The following CCDC88B variants were observed in gnomAD, a reference collection of about 807,000 sequenced individuals.
The protein encoded by CCDC88B is coiled-coil and HOOK domain protein 88B, also known as coiled-coil domain-containing protein 88B.
In CCDC88B, 138 loss-of-function variants were observed where a neutral mutation model predicts 183.7. That is an observed-to-expected ratio of 0.75 (90% CI 0.65 to 0.87). CCDC88B has a LOEUF of 0.87. CCDC88B is among the 40% of genes least tolerant of loss of function. The probability of loss-of-function intolerance (pLI) is 0.00; values close to 1 mark genes in which losing one functional copy is unlikely to be tolerated. For missense variants in CCDC88B, 1,822 were observed against 1,965.6 expected (o/e 0.93, Z 1.38); for synonymous variants, 835 against 867.5 (o/e 0.96, Z 0.66).
At chr11:64,345,354 G>A (rs1230319107) in intron 14 of CCDC88B, among the ~76,000 whole-genome samples, 197 bp downstream of exon 14, 1 of 152,176 alleles carries the variant, frequency 6.6e-6, no homozygotes, top group Non-Finnish European at 1.5e-5. Context: ...TGTGATGGGG[G>A]CGCTGTGGGA....
At chr11:64,354,340 G>A (rs890600591) in intron 24 of CCDC88B, among the ~76,000 whole-genome samples, 170 bp downstream of exon 24, 7 of 151,972 alleles carry the variant, frequency 4.6e-5, no homozygotes, top group African/African-American at 1.5e-4. Flanking sequence ...GGTCCTACAG[G>A]GTCACCCTTG....
intron 7 of CCDC88B, 58 bp downstream of exon 7, chr11:64,341,800 G>A (rs770954831): frequency 1.3e-6 from 2 of 1,535,650 alleles, no homozygotes; most frequent in South Asian, 2.5e-5. Context: ...CCATCAGGGA[G>A]CCGGTTGTGC....
Position 64,341,999 on chromosome 11 carries a change from G to A in CCDC88B, c.681G>A (p.Leu227=). The change falls in exon 8 of 27, where the codon CTG becomes CTA. Residue 227 remains leucine (L), a synonymous_variant. Transcript: ENST00000356786. The part of the protein sequence containing the change: ...ARERDLGAQR[L]AELLLEREPL... Reference sequence around the variant, plus strand: ...CCTTGACCCCTGACCTACAGCGGCTGGCTGAACTGCTGCTGGAGCGAGAAC... The same window carrying A: ...CCTTGACCCCTGACCTACAGCGGCTAGCTGAACTGCTGCTGGAGCGAGAAC... 2 of 1,612,868 alleles carry A rather than the reference G, an allele frequency of 1.2e-6. No homozygotes were observed. The highest frequency in any genetic ancestry group is 8.5e-7 in the Non-Finnish European group (1 of 1,179,746).
At chr11:64,355,529 C>G in intron 25 of CCDC88B, 31 bp from the exon 26 acceptor site, 1 of 1,612,138 alleles carries the variant, frequency 6.2e-7, no homozygotes, top group Non-Finnish European at 8.5e-7. Context: ...CGCACTGGCC[C>G]TGGGCCCAGT....
rs375087093 is a variant in CCDC88B at position 64,354,013 on chromosome 11, C to T, written c.3942C>T (p.Ser1314=). 2.7e-6 allele frequency: 4 copies of T among 1,479,944 alleles called. No homozygotes were observed. The highest frequency in any genetic ancestry group is 3.6e-6 in the Non-Finnish European group (4 of 1,110,440). 91.7% of individuals were successfully genotyped at this position (1,479,944 alleles called of 1,614,324 possible). Residue 1314 remains serine (S), a synonymous_variant, in exon 24 of 27, where the codon AGC becomes AGT. Transcript: ENST00000356786. Reference sequence around the variant, plus strand: ...GCCCTCTTGCCCCCAGGAAGGGCAGCTGGCTGGCAGACAAGGTGAAGAGGC... The same window carrying T: ...GCCCTCTTGCCCCCAGGAAGGGCAGTTGGCTGGCAGACAAGGTGAAGAGGC... ...PVPLPRTKKG[S]WLADKVKRLM... is the part of the protein sequence containing the mutation.
Position 64,342,066 on chromosome 11 carries a change from G to T in CCDC88B, c.748G>T (p.Glu250Ter). 6.2e-7 allele frequency: 1 copy of T among 1,611,934 alleles called. No homozygotes were observed. Among genetic ancestry groups the T allele is most frequent in the Non-Finnish European group, 8.5e-7 (1 of 1,179,526 alleles). Residue 250 changes from glutamate (E) to a stop codon, truncating the protein, a stop_gained, in exon 8 of 27, where the codon GAG (glutamate) becomes TAG (stop). Coordinates refer to ENST00000356786, the MANE Select transcript of CCDC88B (RefSeq NM_032251.6). LOFTEE classifies it high-confidence loss of function. ...RPEAPSRAPA[E>*]GPSHHLALQL... ...TGAGGCTCCCTCTAGGGCTCCCGCC[G>T]AGGGCCCCTCGCACCATCTGGCCCT...
Position 64,357,261 on chromosome 11 carries a change from T to C in CCDC88B, c.*167T>C. On this transcript the variant is annotated 3_prime_UTR_variant, in exon 27 of 27. Transcript: ENST00000356786. Reference sequence around the variant, plus strand: ...CACGGTCAGCGCCGGGGCCCGGAGATGGAGCTGGGACGAGTGTGTGGACAG... The same window carrying C: ...CACGGTCAGCGCCGGGGCCCGGAGACGGAGCTGGGACGAGTGTGTGGACAG... 1 of 821,572 alleles carries C rather than the reference T, an allele frequency of 1.2e-6. No homozygotes were observed. The highest frequency in any genetic ancestry group is 2.1e-6 in the Non-Finnish European group (1 of 477,902). 50.9% of individuals were successfully genotyped at this position (821,572 alleles called of 1,614,324 possible).
At chr11:64,341,872 T>G in intron 7 of CCDC88B, 122 bp from the exon 8 acceptor site, 1 of 514,256 alleles carries the variant, frequency 1.9e-6, no homozygotes, top group Non-Finnish European at 2.8e-6. Context: ...GGGCCATCAG[T>G]GATGTCACAA....
At position 64,352,889 on chromosome 11, in the gene CCDC88B, T is replaced by C; in HGVS notation, c.3500+2T>C. ...GAGGCTTCAGAGCGAGCACGACAGG[T>C]GCCGCCCCTGCCACAGCCTCTAGCA... On this transcript the variant is annotated splice_donor_variant, in intron 20 of 26. Coordinates refer to ENST00000356786, the MANE Select transcript of CCDC88B (RefSeq NM_032251.6). LOFTEE classifies it high-confidence loss of function. 6.4e-7 allele frequency: 1 copy of C among 1,572,542 alleles called. No individual in the cohort carries two copies. Among genetic ancestry groups the C allele is most frequent in the Non-Finnish European group, 8.6e-7 (1 of 1,160,804 alleles).
intron 16 of CCDC88B, chr11:64,350,402 C>G: frequency 6.6e-6 from 1 of 152,498 alleles, no homozygotes; most frequent in South Asian, 2.1e-4. Context: ...GGCGTGGTGG[C>G]TCACGCCTGT....
chr11:64,342,367 C>G lies in CCDC88B; in HGVS notation c.895C>G (p.Arg299Gly), dbSNP rs1227301916. The G allele has an allele frequency of 1.3e-6, 2 of 1,583,680 alleles. No homozygotes were observed. Among genetic ancestry groups the G allele is most frequent in the East Asian group, 4.6e-5 (2 of 43,496 alleles). ...QGLEAEIRRLRQEAQALSGQA... is the reference protein window; with the variant it reads ...QGLEAEIRRLGQEAQALSGQA... ...TTTGGAGGCCGAAATAAGAAGGCTC[C>G]GCCAGGAGGTGCGCTCACATGCTCC... The change falls in exon 9 of 27, where the codon CGC becomes GGC. Residue 299 changes from arginine to glycine, a missense_variant. Transcript: ENST00000356786.
Position 64,351,244 on chromosome 11 carries a change from G to A in CCDC88B, c.2947G>A (p.Val983Met). 6.6e-7 allele frequency: 1 copy of A among 1,525,014 alleles called. No individual in the cohort carries two copies. The allele number at this position is 1,525,014 out of a possible 1,614,324, so 94.5% of individuals were successfully genotyped here. ...VETQNVRLIE[V>M]ERSNAMLVAE... ...GACCCAGAATGTGCGGCTTATTGAG[G>A]TGGAGCGCAGTGTGAGTGTGGGCCC... The change falls in exon 17 of 27, where the codon GTG becomes ATG. Residue 983 changes from valine to methionine, a missense_variant. By Grantham distance (21) the Val-to-Met change is conservative. Coordinates refer to ENST00000356786, the MANE Select transcript of CCDC88B (RefSeq NM_032251.6).
In CCDC88B at chr11:64,343,911, C is replaced by A; in HGVS notation, c.1452C>A (p.Gly484=). 6.3e-7 allele frequency: 1 copy of A among 1,597,804 alleles called. No individual in the cohort carries two copies. The highest frequency in any genetic ancestry group is 8.5e-7 in the Non-Finnish European group (1 of 1,172,072). The change falls in exon 13 of 27, where the codon GGC becomes GGA. Residue 484 remains glycine, a synonymous_variant. Coordinates refer to ENST00000356786, the MANE Select transcript of CCDC88B (RefSeq NM_032251.6). Reference sequence around the variant, plus strand: ...AGGTGCTTCAGGGGCAGCCAGGGGGCCAGGTAAGTCCCCTCCCCCAGGGTC... The same window carrying A: ...AGGTGCTTCAGGGGCAGCCAGGGGGACAGGTAAGTCCCCTCCCCCAGGGTC... ...LLQVLQGQPG[G]QHPLLEAPRE...
chr11:64,345,866 G>A (rs1189391620), intron 14 of CCDC88B, among the ~76,000 whole-genome samples: 1 of 152,150 alleles, frequency 6.6e-6, no homozygotes, highest in East Asian at 1.9e-4. Context: ...AATCAGCCAG[G>A]CGTGGTGGCA....
rs1402689436 is a variant in CCDC88B, at chr11:64,344,019, G to A, written c.1478G>A (p.Arg493Lys). ...CAGCACCCCCTGCTGGAGGCACCGA[G>A]AGAGGACCCTGTTCTTCCAGTGCTG... ...GGQHPLLEAP[R>K]EDPVLPVLEE... The change falls in exon 14 of 27, where the codon AGA (arginine) becomes AAA (lysine). Residue 493 changes from arginine (R) to lysine (K), a missense_variant. Physicochemically the swap from Arg to Lys is conservative, Grantham distance 26. Transcript: ENST00000356786. The surrounding 1 kb of genome is among the most constrained non-coding windows in gnomAD (Gnocchi z 4.5). The A allele has an allele frequency of 3.2e-6, 5 of 1,564,248 alleles. No homozygotes were observed. In the South Asian group the frequency reaches 5.8e-5, roughly 18 times the overall value.
In CCDC88B at chr11:64,357,084, T is replaced by A. The variant is rs1220118265; in HGVS notation, c.4421T>A (p.Leu1474His). Residue 1474 changes from leucine (L) to histidine (H), a missense_variant, in exon 27 of 27, where the codon CTC (leucine) becomes CAC (histidine). Physicochemically the swap from Leu to His is moderately conservative, Grantham distance 99. Coordinates refer to ENST00000356786, the MANE Select transcript of CCDC88B (RefSeq NM_032251.6). ...EPEKRPLTPS[L>H]SQ is the part of the protein sequence containing the mutation. ...GAGAAACGTCCCCTCACCCCATCCC[T>A]CAGCCAGTGACACCGTGGGAACAGC... 1.9e-6 allele frequency: 3 copies of A among 1,612,132 alleles called. No individual in the cohort carries two copies. The highest frequency in any genetic ancestry group is 2.5e-6 in the Non-Finnish European group (3 of 1,178,846).
At chr11:64,351,641 C>A in intron 18 of CCDC88B, 25 bp downstream of exon 18, 1 of 1,544,134 alleles carries the variant, frequency 6.5e-7, no homozygotes, top group Non-Finnish European at 8.7e-7. Flanking sequence ...GGGTGCCCAT[C>A]CCTGCCCATG....
At position 64,352,815 on chromosome 11, in the gene CCDC88B, G is replaced by A. The variant is rs368874751; in HGVS notation, c.3428G>A (p.Arg1143His). ...GTGGCCCTGCTGGCAGAGCGTGAAC[G>A]CCTGATGCAAGATGGGCATCGGCAG... ...QEVALLAERE[R>H]LMQDGHRQRG... The change falls in exon 20 of 27, where the codon CGC becomes CAC. Residue 1143 changes from arginine (R) to histidine (H), a missense_variant. Transcript: ENST00000356786. 4.1e-5 allele frequency: 66 copies of A among 1,613,042 alleles called. No homozygotes were observed. Among genetic ancestry groups the A allele is most frequent in the Non-Finnish European group, 5.1e-5 (60 of 1,179,890 alleles).
At position 64,352,220 on chromosome 11, in the gene CCDC88B, C is replaced by CA. The variant is rs2036362222; in HGVS notation, c.3191dup (p.Glu1065GlyfsTer78). 6.2e-7 allele frequency: 1 copy of CA among 1,610,732 alleles called. No homozygotes were observed. Among genetic ancestry groups the CA allele is most frequent in the South Asian group, 1.1e-5 (1 of 90,856 alleles). The stretch of plus-strand genomic sequence containing the variant: ...GGAGGTGCGGGCGGCACGGCAGTCC[C>CA]AGGAGGAGACCCGCGGGCAGCAGCA... On this transcript the variant is annotated frameshift_variant, in exon 19 of 27. Transcript: ENST00000356786. LOFTEE classifies it high-confidence loss of function.
Sources: allele counts gnomAD v4.1 joint callset (sites outside exome capture counted in the v4.1 genomes callset), GRCh38; gene constraint gnomAD v4.1.1; non-coding constraint Gnocchi (gnomAD v3.1); transcripts MANE v1.5; gene names NCBI Gene and HGNC (gene_info 2026-07-23, HGNC 2026-07-21).